GFOD1: variants seen among roughly 807,000 people sequenced by gnomAD.
The protein encoded by GFOD1 is Gfo/Idh/MocA-like oxidoreductase domain containing 1.
In GFOD1, 9 loss-of-function variants were observed where a neutral mutation model predicts 25.4. That is an observed-to-expected ratio of 0.35 (90% CI 0.21 to 0.62). GFOD1 has a LOEUF of 0.62. Among genes scored for constraint, GFOD1 ranks in the 20% least tolerant of loss-of-function variants. The pLI, the probability that GFOD1 is intolerant of heterozygous loss-of-function variation, is 0.72. For missense variants in GFOD1, 403 were observed against 556.9 expected, an observed-to-expected ratio of 0.72 and a Z score of 2.78; for synonymous variants, 253 against 245.6, an observed-to-expected ratio of 1.03 and a Z score of -0.28.
intron 1 of GFOD1, among the ~76,000 whole-genome samples, chr6:13,376,912 GA>G (rs908669120): frequency 3.3e-5 from 5 of 152,046 alleles, no homozygotes; most frequent in African/African-American, 1.2e-4. Context: ...GGGAAGGCAA[GA>G]TACTTTAAAC....
At chr6:13,476,194 C>T (rs1758621143) in intron 1 of GFOD1, among the ~76,000 whole-genome samples, 1 of 152,180 alleles carries the variant, frequency 6.6e-6, no homozygotes, top group African/African-American at 2.4e-5. Flanking sequence ...ACAATACAAA[C>T]ATCCATCAGA....
chr6:13,414,775 A>G (rs551893354), intron 1 of GFOD1, among the ~76,000 whole-genome samples: 47 of 152,162 alleles, frequency 3.1e-4, no homozygotes, highest in Non-Finnish European at 5.0e-4. Flanking sequence ...CAGAATATCC[A>G]CTCTGAGTCC....
chr6:13,401,901 T>C (rs1403897551), intron 1 of GFOD1, among the ~76,000 whole-genome samples: 2 of 152,198 alleles, frequency 1.3e-5, no homozygotes, highest in African/African-American at 4.8e-5. Context: ...TTAAAAGTAG[T>C]AGGAAAACTA....
chr6:13,392,412 T>C (rs565189430), intron 1 of GFOD1, among the ~76,000 whole-genome samples: 28 of 148,266 alleles, frequency 1.9e-4, no homozygotes, highest in African/African-American at 5.7e-4. Context: ...GTGTTTTGAA[T>C]AGGTAACGAC....
At chr6:13,393,878 C>T (rs1416415246) in intron 1 of GFOD1, among the ~76,000 whole-genome samples, 1 of 146,332 alleles carries the variant, frequency 6.8e-6, no homozygotes, top group East Asian at 2.0e-4. Flanking sequence ...CTCCCGGGTT[C>T]GGCCACTCTC....
At chr6:13,366,460 C>T (rs1405005004) in intron 1 of GFOD1, among the ~76,000 whole-genome samples, 2 of 152,096 alleles carry the variant, frequency 1.3e-5, no homozygotes, top group African/African-American at 2.4e-5. Context: ...CTCAGCCTCC[C>T]GAGTAGTTGA....
At chr6:13,370,536 A>G (rs1044156747) in intron 1 of GFOD1, among the ~76,000 whole-genome samples, 2 of 147,328 alleles carry the variant, frequency 1.4e-5, no homozygotes, top group African/African-American at 5.1e-5. Flanking sequence ...CCCTTACCCT[A>G]CCTCTCTCGG....
intron 1 of GFOD1, among the ~76,000 whole-genome samples, chr6:13,370,544 C>T (rs920450849): frequency 5.3e-5 from 8 of 152,066 alleles, no homozygotes; most frequent in Non-Finnish European, 8.8e-5. Flanking sequence ...CTACCTCTCT[C>T]GGTGGGCTTC....
chr6:13,409,140 A>AAG (rs1786007195), intron 1 of GFOD1, among the ~76,000 whole-genome samples: 1 of 48,992 alleles, frequency 2.0e-5, no homozygotes, highest in Non-Finnish European at 5.5e-5. Context: ...AAAGAAAGAA[A>AAG]GAAAGAAAGA....
intron 1 of GFOD1, among the ~76,000 whole-genome samples, chr6:13,477,137 A>G (rs1758641291): frequency 6.6e-6 from 1 of 151,874 alleles, no homozygotes; most frequent in East Asian, 1.9e-4. Context: ...TTCCTTGCTC[A>G]GCTTGCCTAG....
intron 1 of GFOD1, among the ~76,000 whole-genome samples, chr6:13,417,372 C>T (rs1478117203): frequency 6.6e-6 from 1 of 152,228 alleles, no homozygotes. Flanking sequence ...CCAGGATGGT[C>T]TCGATCTCCT....
intron 1 of GFOD1, among the ~76,000 whole-genome samples, chr6:13,447,709 C>A (rs529370319): frequency 8.0e-6 from 1 of 124,994 alleles, no homozygotes; most frequent in African/African-American, 3.1e-5. Flanking sequence ...CAATTGCACT[C>A]CAGCCTGGGT....
intron 1 of GFOD1, among the ~76,000 whole-genome samples, chr6:13,418,175 TTC>T (rs1448114975): frequency 2.6e-5 from 4 of 152,142 alleles, no homozygotes; most frequent in African/African-American, 4.8e-5. Flanking sequence ...AAGCTAGCCA[TTC>T]ACCTACTTAG....
At chr6:13,477,286 G>C (rs1758649242) in intron 1 of GFOD1, among the ~76,000 whole-genome samples, 1 of 148,808 alleles carries the variant, frequency 6.7e-6, no homozygotes, top group Non-Finnish European at 1.5e-5. Context: ...GAATTGGCTC[G>C]CACAATTGTG....
intron 1 of GFOD1, among the ~76,000 whole-genome samples, chr6:13,472,523 TCCC>T (rs1243853429): frequency 6.6e-6 from 1 of 152,190 alleles, no homozygotes; most frequent in Non-Finnish European, 1.5e-5. Flanking sequence ...ACTTTTATTA[TCCC>T]CATTATACAG....
chr6:13,477,279 T>C (rs962241165), intron 1 of GFOD1, among the ~76,000 whole-genome samples: 7 of 149,788 alleles, frequency 4.7e-5, no homozygotes, highest in African/African-American at 1.5e-4. Context: ...TTTTAAGGAA[T>C]TGGCTCGCAC....
intron 1 of GFOD1, among the ~76,000 whole-genome samples, chr6:13,460,965 C>T (rs1312521585): frequency 6.6e-6 from 1 of 152,178 alleles, no homozygotes; most frequent in African/African-American, 2.4e-5. Flanking sequence ...TCAAGAAGGC[C>T]CTCAGCAGAC....
intron 1 of GFOD1, among the ~76,000 whole-genome samples, chr6:13,485,721 C>T (rs57591512): frequency 0.013 from 2,042 of 152,282 alleles, 48 homozygotes; most frequent in African/African-American, 0.047. Context: ...GCACCCTGAA[C>T]TCATCTCCAG....
At chr6:13,411,187 G>C (rs115704930) in intron 1 of GFOD1, among the ~76,000 whole-genome samples, 2,673 of 152,334 alleles carry the variant, frequency 0.018, 89 homozygotes, top group African/African-American at 0.058. Context: ...AGAGAAGCCA[G>C]CTGTGAAGAC....
Sources: gnomAD v4.1 joint callset for allele counts (sites outside exome capture counted in the v4.1 genomes callset) on GRCh38, gnomAD v4.1.1 for gene constraint, MANE v1.5 for transcripts, NCBI Gene and HGNC (gene_info 2026-07-23, HGNC 2026-07-21) for gene names.